The following STAG1 variants were observed in gnomAD, a reference collection of about 807,000 sequenced individuals.
STAG1 encodes the protein STAG1 cohesin complex component.
In STAG1, 26 loss-of-function variants were observed where a neutral mutation model predicts 170.9. That is an observed-to-expected ratio of 0.15 (90% confidence interval 0.11 to 0.21). STAG1 has a LOEUF of 0.21. Ranked by LOEUF, STAG1 falls within the 10% of genes least tolerant of loss-of-function variation. The pLI, the probability that STAG1 is intolerant of heterozygous loss-of-function variation, is 1.00. For synonymous variants in STAG1, 514 were observed against 497.7 expected, an observed-to-expected ratio of 1.03 and a Z score of -0.44; for missense variants, 964 against 1,509.5, an observed-to-expected ratio of 0.64 and a Z score of 5.99.
At chr3:136,729,570 C>CTTTTTTT (rs34078029) in intron 1 of STAG1, among the ~76,000 whole-genome samples, 2 of 94,668 alleles carry the variant, frequency 2.1e-5, no homozygotes, top group African/African-American at 9.3e-5. Flanking sequence ...TGTAGTTTTC[C>CTTTTTTT]TTTTTTTTTT....
chr3:136,586,633 G>C (rs566708563), intron 4 of STAG1, among the ~76,000 whole-genome samples: 1 of 152,122 alleles, frequency 6.6e-6, no homozygotes, highest in South Asian at 2.1e-4. Context: ...TCTTATCTTG[G>C]CACTAATCAG....
At chr3:136,416,032 G>A (rs1468918964) in intron 21 of STAG1, among the ~76,000 whole-genome samples, 2 of 150,392 alleles carry the variant, frequency 1.3e-5, no homozygotes, top group Non-Finnish European at 3.0e-5. Flanking sequence ...TTTTTGAGAC[G>A]GAGTCTTGCT....
intron 15 of STAG1, among the ~76,000 whole-genome samples, chr3:136,436,840 T>C (rs1368209686): frequency 6.6e-6 from 1 of 152,206 alleles, no homozygotes; most frequent in Non-Finnish European, 1.5e-5. Context: ...TGTAAAAATA[T>C]GTATGTACAT....
rs1004335065 is a variant in STAG1, at chr3:136,416,740, C to A, written c.2196+1145G>T. Among the ~76,000 whole-genome samples the A allele has an allele frequency of 7.9e-5, 12 of 151,910 alleles. No individual in the cohort carries two copies. In the South Asian group the frequency reaches 2.5e-3, roughly 32 times the overall value. On this transcript the variant is annotated intron_variant, in intron 21 of 33. Coordinates refer to ENST00000383202, the MANE Select transcript of STAG1 (RefSeq NM_005862.3). ...CTTTTCACAAACTACAATAAAAACA[C>A]CTAATATAATCAGGGACATTTGTAG...
chr3:136,723,762 C>T (rs1261163398), intron 1 of STAG1, among the ~76,000 whole-genome samples: 2 of 142,142 alleles, frequency 1.4e-5, no homozygotes, highest in Non-Finnish European at 3.1e-5. Flanking sequence ...CCCGGCCAGC[C>T]GCCCCGTCCG....
At chr3:136,341,240 A>G (rs575979776) in intron 31 of STAG1, among the ~76,000 whole-genome samples, 1 of 152,372 alleles carries the variant, frequency 6.6e-6, no homozygotes, top group South Asian at 2.1e-4. Context: ...GTCCAAGGCC[A>G]TGCAGCTGCC....
chr3:136,680,907 T>C (rs1472668490), intron 1 of STAG1, among the ~76,000 whole-genome samples: 2 of 129,692 alleles, frequency 1.5e-5, no homozygotes, highest in Admixed American at 8.3e-5. Context: ...CCCTTGTGAA[T>C]ACTAAAATCC....
chr3:136,502,946 C>T lies in STAG1; in HGVS notation c.677-167G>A, dbSNP rs555299526. ...AAGATAACTAATTTATAGAAATAAA[C>T]TCATCTGCAACATAATTTTCTCTAC... On this transcript the variant is annotated intron_variant, in intron 7 of 33. Transcript: ENST00000383202. Among the ~76,000 whole-genome samples, 5 of 152,234 alleles carry T rather than the reference C, an allele frequency of 3.3e-5. No homozygotes were observed. The South Asian group carries it at 1.0e-3, about 32-fold the overall frequency.
intron 1 of STAG1, among the ~76,000 whole-genome samples, chr3:136,678,882 G>GAAAAAAAAAA (rs543331662): frequency 9.9e-6 from 1 of 100,960 alleles, no homozygotes; most frequent in African/African-American, 3.7e-5. Flanking sequence ...AGAAGAAAAA[G>GAAAAAAAAAA]AAAAAAAAAA....
chr3:136,532,159 T>C (rs1328054826), intron 6 of STAG1, among the ~76,000 whole-genome samples: 2 of 152,050 alleles, frequency 1.3e-5, no homozygotes, highest in Non-Finnish European at 2.9e-5. Flanking sequence ...AATGAGACAT[T>C]ACAACTGATA....
chr3:136,723,857 AGCCGCCCCGTCCG>A (rs1214500933), intron 1 of STAG1, among the ~76,000 whole-genome samples: 1 of 144,826 alleles, frequency 6.9e-6, no homozygotes, highest in Non-Finnish European at 1.5e-5. Context: ...CCGCCCGGCC[AGCCGCCCCGTCCG>A]GGAGGGTGGT....
intron 10 of STAG1, among the ~76,000 whole-genome samples, chr3:136,473,848 G>GT (rs1205182722): frequency 6.6e-6 from 1 of 151,882 alleles, no homozygotes; most frequent in Non-Finnish European, 1.5e-5. Flanking sequence ...TTACTTGAGA[G>GT]TAAGTTATGC....
chr3:136,349,450 C>A lies in STAG1; in HGVS notation c.3066-87G>T, dbSNP rs370890280. The A allele has an allele frequency of 2.1e-5, 21 of 998,154 alleles. No homozygotes were observed. The East Asian group carries it at 5.0e-4, about 24-fold the overall frequency. The allele number at this position is 998,154 out of a possible 1,614,324, so 61.8% of individuals were successfully genotyped here. A position where few individuals can be genotyped will look rare whatever the true frequency, so the allele number is the denominator to read the frequency against. On this transcript the variant is annotated intron_variant, in intron 28 of 33. Coordinates refer to ENST00000383202, the MANE Select transcript of STAG1 (RefSeq NM_005862.3). ...TTCTTAATCTGAGGCTCTCTTTCTG[C>A]AGGTTCTGAAGAATACCTAAGGACA...
At chr3:136,443,963 C>A (rs889860268) in intron 14 of STAG1, among the ~76,000 whole-genome samples, 1 of 152,250 alleles carries the variant, frequency 6.6e-6, no homozygotes, top group East Asian at 1.9e-4. Flanking sequence ...ATTCTCTTGA[C>A]AATTTTCTTT....
At position 136,490,003 on chromosome 3, in the gene STAG1, C is replaced by T. The variant is rs563879328; in HGVS notation, c.902+10220G>A. Among the ~76,000 whole-genome samples, 4 of 152,250 alleles carry T rather than the reference C, an allele frequency of 2.6e-5. No homozygotes were observed. In the East Asian group the frequency reaches 5.8e-4, roughly 22 times the overall value. ...AATACAAATATTTCATTTATTATTT[C>T]AGGCTTACTAGAGTTATTTAATTTT... On this transcript the variant is annotated intron_variant, in intron 9 of 33. Coordinates refer to ENST00000383202, the MANE Select transcript of STAG1 (RefSeq NM_005862.3).
chr3:136,525,902 A>G (rs964900300), intron 6 of STAG1, among the ~76,000 whole-genome samples: 2 of 152,128 alleles, frequency 1.3e-5, no homozygotes, highest in African/African-American at 2.4e-5. Context: ...GTAGTTGAGC[A>G]GTTTTGAGTG....
At chr3:136,751,611 C>T (rs1385727567) in intron 1 of STAG1, among the ~76,000 whole-genome samples, 1 of 152,160 alleles carries the variant, frequency 6.6e-6, no homozygotes, top group African/African-American at 2.4e-5. Flanking sequence ...GCTGCCCCAC[C>T]CCGCCAACAA....
At chr3:136,462,524 C>T (rs2089303024) in intron 13 of STAG1, among the ~76,000 whole-genome samples, 1 of 151,938 alleles carries the variant, frequency 6.6e-6, no homozygotes, top group Admixed American at 6.6e-5. Flanking sequence ...ATGATCGCTA[C>T]CAGAGGGTGG....
In STAG1 at chr3:136,381,677, G is replaced by C. The variant is rs1333477772; in HGVS notation, c.2278-3925C>G. On this transcript the variant is annotated intron_variant, in intron 22 of 33. Coordinates refer to ENST00000383202, the MANE Select transcript of STAG1 (RefSeq NM_005862.3). ...TTTAAGGTTGATGGATTTTTTTTTG[G>C]TCATTCTTGACCTTTTTAATAGAAA... 2.0e-5 allele frequency among the ~76,000 whole-genome samples: 3 copies of C among 151,956 alleles called. No homozygotes were observed. In the East Asian group the frequency reaches 5.8e-4, roughly 29 times the overall value.
Sources: gnomAD v4.1 joint callset for allele counts (sites outside exome capture counted in the v4.1 genomes callset) on GRCh38, gnomAD v4.1.1 for gene constraint, MANE v1.5 for transcripts, NCBI Gene and HGNC (gene_info 2026-07-23, HGNC 2026-07-21) for gene names.